Variants in ZFPM2 observed in about 807,000 individuals in gnomAD.
The protein encoded by ZFPM2 is zinc finger protein, FOG family member 2.
In ZFPM2, 20 loss-of-function variants were observed where a neutral mutation model predicts 98.6. That is an observed-to-expected ratio of 0.20 (90% CI 0.14 to 0.29). The LOEUF (loss-of-function observed/expected upper bound fraction) is 0.29. ZFPM2 is among the 10% of genes least tolerant of loss of function. ZFPM2 has a pLI of 1.00. For missense variants in ZFPM2, 1,310 were observed against 1,388.6 expected, an observed-to-expected ratio of 0.94 and a Z score of 0.90; for synonymous variants, 518 against 502.7, an observed-to-expected ratio of 1.03 and a Z score of -0.41.
At position 105,714,172 on chromosome 8, in the gene ZFPM2, C is replaced by T. The variant is rs1176604362; in HGVS notation, c.533-74546C>T. The stretch of plus-strand genomic sequence containing the variant: ...TAATTCTCCTTGTAGAGATCTTTCA[C>T]CTCCTTAGTTAGATGTATTCCTAGG... On this transcript the variant is annotated intron_variant, in intron 5 of 7. Coordinates refer to ENST00000407775, the MANE Select transcript of ZFPM2 (RefSeq NM_012082.4). Among the ~76,000 whole-genome samples, 10 of 151,974 alleles carry T rather than the reference C, an allele frequency of 6.6e-5. 1 individual carries two copies. Among genetic ancestry groups the T allele is most frequent in the Admixed American group, 3.9e-4 (6 of 15,220 alleles).
chr8:105,442,666 A>G (rs1812278336), intron 2 of ZFPM2, among the ~76,000 whole-genome samples: 1 of 152,224 alleles, frequency 6.6e-6, no homozygotes, highest in South Asian at 2.1e-4. Flanking sequence ...GCTCTCCGTT[A>G]AGTAAACTGA....
intron 4 of ZFPM2, among the ~76,000 whole-genome samples, chr8:105,599,100 G>A (rs1047158232): frequency 2.0e-5 from 3 of 152,038 alleles, no homozygotes; most frequent in African/African-American, 7.2e-5. Context: ...TTACTCATTG[G>A]GGGAGCTGCT....
chr8:105,323,478 G>C (rs1163674328), intron 1 of ZFPM2, among the ~76,000 whole-genome samples: 4 of 151,562 alleles, frequency 2.6e-5, no homozygotes, highest in African/African-American at 9.7e-5. Flanking sequence ...ATTTTTACAC[G>C]TGCCACAAAT....
intron 5 of ZFPM2, among the ~76,000 whole-genome samples, chr8:105,639,964 A>T (rs1293256837): frequency 6.6e-6 from 1 of 152,006 alleles, no homozygotes; most frequent in Non-Finnish European, 1.5e-5. Context: ...TGCTAGTATA[A>T]AGATGAAAAT....
At chr8:105,648,828 T>A (rs36147522) in intron 5 of ZFPM2, among the ~76,000 whole-genome samples, 72,220 of 151,950 alleles carry the variant, frequency 0.48, 17,460 homozygotes, top group African/African-American at 0.56. Flanking sequence ...TCCAGCTTTG[T>A]TCTTTTGGCT....
chr8:105,504,806 T>C (rs1813663938), intron 3 of ZFPM2, among the ~76,000 whole-genome samples: 1 of 152,268 alleles, frequency 6.6e-6, no homozygotes, highest in South Asian at 2.1e-4. Context: ...TTAAGTTTAC[T>C]TGGGTTCCTA....
chr8:105,580,186 T>C (rs1815559149), intron 4 of ZFPM2, among the ~76,000 whole-genome samples: 1 of 152,202 alleles, frequency 6.6e-6, no homozygotes, highest in Non-Finnish European at 1.5e-5. Flanking sequence ...AACATAAAGA[T>C]ATGTGCTGAT....
chr8:105,784,289 C>G (rs2131121979), intron 5 of ZFPM2, among the ~76,000 whole-genome samples: 1 of 152,258 alleles, frequency 6.6e-6, no homozygotes, highest in Middle Eastern at 3.4e-3. Context: ...CCCTTCAGAT[C>G]CACATAGATT....
At chr8:105,347,193 A>G (rs1812555103) in intron 1 of ZFPM2, among the ~76,000 whole-genome samples, 2 of 151,208 alleles carry the variant, frequency 1.3e-5, no homozygotes, top group South Asian at 2.1e-4. Flanking sequence ...CACTTTTTAT[A>G]TACTTTTCAG....
chr8:105,474,558 TAAG>T (rs1308007092), intron 3 of ZFPM2, among the ~76,000 whole-genome samples: 1 of 151,952 alleles, frequency 6.6e-6, no homozygotes, highest in African/African-American at 2.4e-5. Flanking sequence ...TAAAAAAAAA[TAAG>T]AAGCAAGTTA....
intron 5 of ZFPM2, among the ~76,000 whole-genome samples, chr8:105,690,252 C>T (rs1250986574): frequency 6.6e-6 from 1 of 152,166 alleles, no homozygotes; most frequent in Non-Finnish European, 1.5e-5. Flanking sequence ...CAAAATAATT[C>T]ACAGTTATAG....
intron 2 of ZFPM2, among the ~76,000 whole-genome samples, chr8:105,444,059 A>G (rs538687699): frequency 1.3e-5 from 2 of 152,356 alleles, no homozygotes; most frequent in African/African-American, 4.8e-5. Context: ...TTATGTTTAT[A>G]GTACTTAACT....
At chr8:105,518,465 CCAAA>C (rs1373829237) in intron 3 of ZFPM2, among the ~76,000 whole-genome samples, 1 of 152,136 alleles carries the variant, frequency 6.6e-6, no homozygotes, top group Non-Finnish European at 1.5e-5. Context: ...TCTCAAATGT[CCAAA>C]CATTTTTATA....
At chr8:105,709,092 C>A (rs187715840) in intron 5 of ZFPM2, among the ~76,000 whole-genome samples, 5 of 152,236 alleles carry the variant, frequency 3.3e-5, no homozygotes, top group Admixed American at 3.3e-4. Flanking sequence ...AGAACCTGAA[C>A]AAGATGGGCT....
chr8:105,323,019 A>C lies in ZFPM2; in HGVS notation c.40+4038A>C, dbSNP rs1385783363. Among the ~76,000 whole-genome samples, 17 of 151,700 alleles carry C rather than the reference A, an allele frequency of 1.1e-4. 1 individual carries two copies. The East Asian group carries it at 3.3e-3, about 29-fold the overall frequency. On this transcript the variant is annotated intron_variant, in intron 1 of 7. Coordinates refer to ENST00000407775, the MANE Select transcript of ZFPM2 (RefSeq NM_012082.4). ...TTAAAATAAGAATATTATATATTAA[A>C]TTTATTATTTAATATTTGTCACATG...
intron 5 of ZFPM2, among the ~76,000 whole-genome samples, chr8:105,652,858 G>T (rs557942212): frequency 6.6e-6 from 1 of 152,148 alleles, no homozygotes; most frequent in Admixed American, 6.5e-5. Flanking sequence ...AATACTCTGT[G>T]GTCTCAATTC....
chr8:105,741,649 T>A (rs1812217974), intron 5 of ZFPM2, among the ~76,000 whole-genome samples: 1 of 152,086 alleles, frequency 6.6e-6, no homozygotes, highest in Non-Finnish European at 1.5e-5. Flanking sequence ...TCTTAGTGGA[T>A]AAGGAGGCAT....
chr8:105,341,709 T>G (rs561357693), intron 1 of ZFPM2, among the ~76,000 whole-genome samples: 1 of 152,130 alleles, frequency 6.6e-6, no homozygotes, highest in South Asian at 2.1e-4. Flanking sequence ...TTGGTGAAAC[T>G]TTTAGGGTTG....
chr8:105,661,987 A>G (rs1401755880), intron 5 of ZFPM2, among the ~76,000 whole-genome samples: 1 of 152,094 alleles, frequency 6.6e-6, no homozygotes, highest in Non-Finnish European at 1.5e-5. Context: ...GAAAAAAAAA[A>G]GGAAGCATGA....
Sources: allele counts gnomAD v4.1 joint callset (sites outside exome capture counted in the v4.1 genomes callset), GRCh38; gene constraint gnomAD v4.1.1; transcripts MANE v1.5; gene names NCBI Gene and HGNC (gene_info 2026-07-23, HGNC 2026-07-21).